PRTFDC1: variants seen among roughly 807,000 people sequenced by gnomAD.
The protein encoded by PRTFDC1 is phosphoribosyl transferase domain containing 1, also known as phosphoribosyltransferase domain-containing protein 1.
In PRTFDC1, 38 loss-of-function variants were observed where a neutral mutation model predicts 34.6. The observed-to-expected ratio is 1.10, with a 90% CI of 0.85 to 1.44. The LOEUF (loss-of-function observed/expected upper bound fraction) is 1.44, where lower values mean the gene tolerates loss of function less well. Ranked by LOEUF, PRTFDC1 falls within the 40% of genes most tolerant of loss-of-function variation. The pLI, the probability that PRTFDC1 is intolerant of heterozygous loss-of-function variation, is 0.00. For synonymous variants in PRTFDC1, 93 were observed against 98.1 expected, an observed-to-expected ratio of 0.95 and a Z score of 0.31; for missense variants, 270 against 283.0, an observed-to-expected ratio of 0.95 and a Z score of 0.33.
chr10:24,879,740 T>G (rs1848033448), intron 3 of PRTFDC1, among the ~76,000 whole-genome samples: 1 of 152,220 alleles, frequency 6.6e-6, no homozygotes, highest in Admixed American at 6.5e-5. Context: ...GGTGCAAAAG[T>G]AACTGTCGTT....
At chr10:24,864,048 A>C (rs972478989) in intron 4 of PRTFDC1, among the ~76,000 whole-genome samples, 7 of 150,370 alleles carry the variant, frequency 4.7e-5, no homozygotes, top group Non-Finnish European at 8.9e-5. Flanking sequence ...TAGTGGAGGA[A>C]GTACCTGCAG....
chr10:24,919,313 TTC>T (rs1234369385), intron 3 of PRTFDC1, among the ~76,000 whole-genome samples: 1 of 151,950 alleles, frequency 6.6e-6, no homozygotes, highest in East Asian at 1.9e-4. Flanking sequence ...GAATAGAGAT[TTC>T]AGAAATAAGA....
At chr10:24,872,955 G>A (rs962172409) in intron 3 of PRTFDC1, among the ~76,000 whole-genome samples, 1 of 150,816 alleles carries the variant, frequency 6.6e-6, no homozygotes, top group Non-Finnish European at 1.5e-5. Flanking sequence ...CTACAGACAG[G>A]CACATACCAC....
chr10:24,894,243 C>A (rs1268195540), intron 3 of PRTFDC1, among the ~76,000 whole-genome samples: 1 of 150,818 alleles, frequency 6.6e-6, no homozygotes, highest in Non-Finnish European at 1.5e-5. Flanking sequence ...AGGCAGGAGA[C>A]TCGCTTGAAC....
At chr10:24,922,051 CT>C (rs960481238) in intron 3 of PRTFDC1, among the ~76,000 whole-genome samples, 2 of 152,124 alleles carry the variant, frequency 1.3e-5, no homozygotes, top group African/African-American at 4.8e-5. Context: ...AACTGTGTTG[CT>C]TTTTCCCACC....
intron 4 of PRTFDC1, among the ~76,000 whole-genome samples, chr10:24,863,750 G>T (rs985287772): frequency 6.6e-6 from 1 of 151,942 alleles, no homozygotes; most frequent in Non-Finnish European, 1.5e-5. Flanking sequence ...AGTTGATTCC[G>T]ACCCTCATGC....
At chr10:24,915,414 C>T (rs911959884) in intron 3 of PRTFDC1, among the ~76,000 whole-genome samples, 1 of 152,122 alleles carries the variant, frequency 6.6e-6, no homozygotes, top group Non-Finnish European at 1.5e-5. Flanking sequence ...TCTTATGTTC[C>T]TTTTCATGAC....
intron 4 of PRTFDC1, among the ~76,000 whole-genome samples, chr10:24,867,173 T>C (rs999511953): frequency 6.6e-6 from 1 of 152,164 alleles, no homozygotes; most frequent in Non-Finnish European, 1.5e-5. Flanking sequence ...ATGACAAGAT[T>C]ATGTAGGTGA....
chr10:24,854,587 C>G (rs771039092), intron 7 of PRTFDC1, among the ~76,000 whole-genome samples: 5 of 152,086 alleles, frequency 3.3e-5, no homozygotes, highest in Non-Finnish European at 7.4e-5. Flanking sequence ...AAAATCGCCT[C>G]TAGTGTTAGA....
intron 3 of PRTFDC1, among the ~76,000 whole-genome samples, chr10:24,884,741 A>G (rs1290080989): frequency 6.6e-6 from 1 of 152,144 alleles, no homozygotes; most frequent in Non-Finnish European, 1.5e-5. Context: ...AGAAAAGAAC[A>G]GCCTACCTGG....
At chr10:24,910,012 AT>A (rs1450713863) in intron 3 of PRTFDC1, among the ~76,000 whole-genome samples, 38 of 141,658 alleles carry the variant, frequency 2.7e-4, no homozygotes, top group Non-Finnish European at 1.6e-5. Flanking sequence ...AAAAAAAAAA[AT>A]AGCCAGGCAT....
intron 3 of PRTFDC1, among the ~76,000 whole-genome samples, chr10:24,904,117 C>T (rs1237983269): frequency 6.6e-6 from 1 of 152,094 alleles, no homozygotes; most frequent in Non-Finnish European, 1.5e-5. Flanking sequence ...TTTGGGCTAA[C>T]TAAACTGTAA....
chr10:24,934,082 A>T (rs1262144841), intron 3 of PRTFDC1, among the ~76,000 whole-genome samples: 1 of 152,082 alleles, frequency 6.6e-6, no homozygotes, highest in Admixed American at 6.6e-5. Context: ...GTACACACAA[A>T]TACCTGCATG....
chr10:24,894,641 G>C (rs980524556), intron 3 of PRTFDC1, among the ~76,000 whole-genome samples: 1 of 152,196 alleles, frequency 6.6e-6, no homozygotes, highest in Admixed American at 6.5e-5. Context: ...CCTGCTCTGC[G>C]ATCCCCAGGG....
intron 3 of PRTFDC1, among the ~76,000 whole-genome samples, chr10:24,909,141 C>T (rs550483824): frequency 4.1e-4 from 63 of 152,196 alleles, no homozygotes; most frequent in Admixed American, 1.4e-3. Flanking sequence ...AACACCCAGG[C>T]GTGGTGGTGT....
At chr10:24,930,076 A>AACAC (rs113296319) in intron 3 of PRTFDC1, among the ~76,000 whole-genome samples, 10 of 150,190 alleles carry the variant, frequency 6.7e-5, no homozygotes, top group African/African-American at 2.2e-4. Flanking sequence ...CACACACACA[A>AACAC]ACACACACAC....
At chr10:24,857,139 T>G in intron 5 of PRTFDC1, 144 bp from the exon 6 acceptor site, 1 of 718,200 alleles carries the variant, frequency 1.4e-6, no homozygotes, top group South Asian at 1.6e-5. Context: ...GAAGAGTTGG[T>G]TATGTTTTAT....
chr10:24,853,447 A>G (rs1847524669), intron 7 of PRTFDC1, among the ~76,000 whole-genome samples: 1 of 152,114 alleles, frequency 6.6e-6, no homozygotes, highest in African/African-American at 2.4e-5. Flanking sequence ...CCCCATCTCT[A>G]CTAAAAATAC....
Position 24,941,868 on chromosome 10 carries a change from G to A in PRTFDC1, c.155+462C>T, listed in dbSNP as rs1438858194. Among the ~76,000 whole-genome samples the A allele has an allele frequency of 1.3e-5, 2 of 152,302 alleles. 1 individual carries two copies. Among genetic ancestry groups the A allele is most frequent in the South Asian group, 4.1e-4 (2 of 4,830 alleles). On this transcript the variant is annotated intron_variant, in intron 2 of 8. Transcript: ENST00000320152. ...AGGTTGCTTTAATTGTTAAAGTCAA[G>A]CAGGTTTCTTTTCTGTGTTCTTCTT...
Sources: gnomAD v4.1 joint callset for allele counts (sites outside exome capture counted in the v4.1 genomes callset) on GRCh38, gnomAD v4.1.1 for gene constraint, MANE v1.5 for transcripts, NCBI Gene and HGNC (gene_info 2026-07-23, HGNC 2026-07-21) for gene names.